CCDC171: variants seen among roughly 807,000 people sequenced by gnomAD.
The protein encoded by CCDC171 is coiled-coil domain-containing protein 171.
Under a neutral mutation model 168.2 loss-of-function variants are expected in CCDC171, and 177 were observed. The ratio of observed to expected loss-of-function variants is 1.05; its 90% CI spans 0.93 to 1.19. The LOEUF is 1.19. CCDC171 is among the 50% of genes most tolerant of loss of function. The pLI is 0.00. For synonymous variants in CCDC171, 687 were observed against 540.8 expected (o/e 1.27, Z -3.75); for missense variants, 1,991 against 1,539.0 (o/e 1.29, Z -4.91).
At chr9:16,091,905 A>T in the CCDC171 span, among the ~76,000 whole-genome samples, 1 of 152,252 alleles carries the variant, frequency 6.6e-6, no homozygotes, top group Non-Finnish European at 1.5e-5. Context: ...GTGAGTCATC[A>T]CTTTCTAAAA....
chr9:15,605,188 C>T (rs1341332442), intron 6 of CCDC171, among the ~76,000 whole-genome samples: 1 of 152,132 alleles, frequency 6.6e-6, no homozygotes, highest in Non-Finnish European at 1.5e-5. Context: ...TGAGCCACCA[C>T]ACCTGGCTTA....
chr9:15,788,100 C>G (rs2058061253), intron 21 of CCDC171, among the ~76,000 whole-genome samples: 1 of 152,102 alleles, frequency 6.6e-6, no homozygotes, highest in South Asian at 2.1e-4. Flanking sequence ...TGTTTAATTA[C>G]TATCTCTTAA....
chr9:15,598,533 T>A (rs1177661218), intron 6 of CCDC171, among the ~76,000 whole-genome samples: 3 of 152,166 alleles, frequency 2.0e-5, no homozygotes, highest in Non-Finnish European at 2.9e-5. Context: ...ATAATTTCTG[T>A]TCTTTTACAT....
the CCDC171 span, among the ~76,000 whole-genome samples, chr9:16,101,441 T>C: frequency 4.4e-4 from 67 of 152,344 alleles, 1 homozygote; most frequent in Admixed American, 5.2e-4. Flanking sequence ...TGGTATAATG[T>C]CTTACCCCAA....
intron 6 of CCDC171, among the ~76,000 whole-genome samples, chr9:16,033,615 C>T (rs1328995309): frequency 6.6e-6 from 1 of 152,184 alleles, no homozygotes; most frequent in African/African-American, 2.4e-5. Flanking sequence ...TTATATATTA[C>T]AATGTAACAA....
intron 7 of CCDC171, among the ~76,000 whole-genome samples, chr9:15,626,929 G>A (rs1023951095): frequency 6.6e-6 from 1 of 152,182 alleles, no homozygotes; most frequent in Non-Finnish European, 1.5e-5. Flanking sequence ...GAATTTGGTT[G>A]TGAATCCATC....
chr9:15,971,828 G>T lies in CCDC171; in HGVS notation c.3973G>T (p.Gly1325Ter). Reference protein sequence around the residue: ...SANANRPTQIGL With the variant: ...SANANRPTQI ...TAATGCCAACAGACCAACTCAGATTGGATTATGACTTCATGAAATTAAAAA... is the reference window on the plus strand; with the variant it reads ...TAATGCCAACAGACCAACTCAGATTTGATTATGACTTCATGAAATTAAAAA... Residue 1325 changes from glycine to a stop codon, truncating the protein, a stop_gained, in exon 26 of 26, where the codon GGA becomes TGA. Coordinates refer to ENST00000380701, the MANE Select transcript of CCDC171 (RefSeq NM_173550.4). LOFTEE classifies it high-confidence loss of function. 1 of 1,610,366 alleles carries T rather than the reference G, an allele frequency of 6.2e-7. No homozygotes were observed. The highest frequency in any genetic ancestry group is 8.5e-7 in the Non-Finnish European group (1 of 1,177,050).
chr9:16,007,454 A>G (rs1198784077), intron 3 of CCDC171, among the ~76,000 whole-genome samples: 1 of 152,090 alleles, frequency 6.6e-6, no homozygotes, highest in African/African-American at 2.4e-5. Context: ...CCAATTGTCA[A>G]TTTTGGCTTT....
intron 6 of CCDC171, among the ~76,000 whole-genome samples, chr9:15,610,759 G>C (rs1437996960): frequency 6.6e-6 from 1 of 152,074 alleles, no homozygotes; most frequent in Non-Finnish European, 1.5e-5. Flanking sequence ...GGGTCTCACT[G>C]TGTTGCCCAG....
intron 25 of CCDC171, among the ~76,000 whole-genome samples, chr9:15,921,775 T>C (rs372410458): frequency 5.6e-4 from 85 of 151,798 alleles, no homozygotes; most frequent in African/African-American, 1.9e-3. Context: ...GGAAACTTTT[T>C]AAAATTTTGG....
intron 25 of CCDC171, among the ~76,000 whole-genome samples, chr9:15,921,218 A>T (rs894407636): frequency 6.6e-6 from 1 of 151,686 alleles, no homozygotes; most frequent in African/African-American, 2.4e-5. Flanking sequence ...CATTCAACAG[A>T]AAAAGAGTTA....
At chr9:15,939,645 C>G (rs1445036699) in intron 25 of CCDC171, among the ~76,000 whole-genome samples, 1 of 151,880 alleles carries the variant, frequency 6.6e-6, no homozygotes, top group South Asian at 2.1e-4. Context: ...GTGGGAGAAG[C>G]CTAGAGAACA....
At chr9:15,680,328 A>G (rs541933210) in intron 10 of CCDC171, among the ~76,000 whole-genome samples, 26 of 152,288 alleles carry the variant, frequency 1.7e-4, no homozygotes, top group African/African-American at 6.0e-4. Context: ...GTTTTGTTCT[A>G]TACATACATA....
At chr9:15,642,763 A>G (rs1403683686) in intron 7 of CCDC171, among the ~76,000 whole-genome samples, 5 of 152,128 alleles carry the variant, frequency 3.3e-5, no homozygotes, top group Non-Finnish European at 7.4e-5. Flanking sequence ...AGTTGTGAAA[A>G]TAAAGACATG....
chr9:15,870,021 T>C lies in CCDC171; in HGVS notation c.3469-4511T>C, dbSNP rs2061967645. Among the ~76,000 whole-genome samples the C allele has an allele frequency of 2.0e-5, 3 of 151,638 alleles. 1 individual carries two copies. The highest frequency in any genetic ancestry group is 6.6e-5 in the Admixed American group (1 of 15,180). ...TAAATATCTTAGGCTTGGTGAACCATATGGTCTTTGTCTCAACTACTCAAC... is the reference window on the plus strand; with the variant it reads ...TAAATATCTTAGGCTTGGTGAACCACATGGTCTTTGTCTCAACTACTCAAC... On this transcript the variant is annotated intron_variant, in intron 23 of 25. Transcript: ENST00000380701.
At chr9:15,775,814 A>G (rs781136293) in intron 18 of CCDC171, among the ~76,000 whole-genome samples, 2 of 152,218 alleles carry the variant, frequency 1.3e-5, no homozygotes, top group Non-Finnish European at 2.9e-5. Context: ...TGCAGTAGCT[A>G]TGGAAATAAA....
At chr9:15,720,154 C>G (rs145356071) in intron 11 of CCDC171, among the ~76,000 whole-genome samples, 4 of 152,130 alleles carry the variant, frequency 2.6e-5, no homozygotes, top group Non-Finnish European at 4.4e-5. Context: ...TGATAAATGT[C>G]ATAAATATAT....
intron 7 of CCDC171, among the ~76,000 whole-genome samples, chr9:15,650,699 A>G (rs982473520): frequency 6.6e-6 from 1 of 152,110 alleles, no homozygotes; most frequent in African/African-American, 2.4e-5. Context: ...GTCCTTTGAT[A>G]CACATGTTTT....
chr9:15,584,272 T>G (rs1333439456), intron 4 of CCDC171, among the ~76,000 whole-genome samples: 1 of 152,234 alleles, frequency 6.6e-6, no homozygotes, highest in Non-Finnish European at 1.5e-5. Flanking sequence ...GAAGAAAAAG[T>G]AGTATCTTTT....
Sources: allele counts gnomAD v4.1 joint callset (sites outside exome capture counted in the v4.1 genomes callset), GRCh38; gene constraint gnomAD v4.1.1; transcripts MANE v1.5; gene names NCBI Gene and HGNC (gene_info 2026-07-23, HGNC 2026-07-21).